The following TYW1 variants were observed in gnomAD, a reference collection of about 807,000 sequenced individuals.
The protein encoded by TYW1 is S-adenosyl-L-methionine-dependent tRNA 4-demethylwyosine synthase TYW1.
TYW1 carries 46 observed loss-of-function variants against 96.2 expected under a neutral mutation model. That is an observed-to-expected ratio of 0.48 (90% CI 0.38 to 0.61). The LOEUF (loss-of-function observed/expected upper bound fraction) is 0.61, where lower values mean the gene tolerates loss of function less well. TYW1 is among the 20% of genes least tolerant of loss of function. The probability of loss-of-function intolerance (pLI) is 0.00; values close to 1 mark genes in which losing one functional copy is unlikely to be tolerated. For synonymous variants in TYW1, 274 were observed against 323.0 expected (o/e 0.85, Z 1.63); for missense variants, 684 against 909.6 (o/e 0.75, Z 3.19).
intron 14 of TYW1, 58 bp downstream of exon 14, chr7:67,183,294 G>A (rs1450994953): frequency 9.4e-6 from 14 of 1,494,640 alleles, no homozygotes; most frequent in African/African-American, 4.2e-5. Context: ...GTGGTGCTTC[G>A]TTGGCCATCG....
intron 9 of TYW1, among the ~76,000 whole-genome samples, chr7:67,056,748 T>TCA (rs1562988647): frequency 6.6e-6 from 1 of 152,204 alleles, no homozygotes; most frequent in Non-Finnish European, 1.5e-5. Flanking sequence ...TGAGCATTCT[T>TCA]CACAAGACTT....
intron 11 of TYW1, among the ~76,000 whole-genome samples, chr7:67,096,467 C>T (rs1796919842): frequency 6.6e-6 from 1 of 152,126 alleles, no homozygotes; most frequent in Non-Finnish European, 1.5e-5. Flanking sequence ...CTCCCCTAGG[C>T]CCAAGCTCCA....
intron 8 of TYW1, among the ~76,000 whole-genome samples, chr7:67,055,218 C>A (rs1276230553): frequency 6.6e-6 from 1 of 152,104 alleles, no homozygotes; most frequent in East Asian, 1.9e-4. Context: ...TTGCTTACAT[C>A]TTTTAGAGCT....
chr7:67,203,151 C>T (rs1800656473), intron 15 of TYW1, among the ~76,000 whole-genome samples: 1 of 152,224 alleles, frequency 6.6e-6, no homozygotes, highest in African/African-American at 2.4e-5. Context: ...CTATCCCTAG[C>T]CTCTGGCGAC....
chr7:67,027,802 T>C (rs1879853), intron 7 of TYW1, among the ~76,000 whole-genome samples: 83,229 of 151,446 alleles, frequency 0.55, 23,121 homozygotes, highest in Admixed American at 0.62. Flanking sequence ...TGGTAGTGGA[T>C]GTCTGTAGTC....
chr7:67,049,873 A>G, intron 7 of TYW1, 76 bp from the exon 8 acceptor site: 4 of 1,562,116 alleles, frequency 2.6e-6, no homozygotes, highest in South Asian at 1.1e-5. Flanking sequence ...TATTGATGCT[A>G]GGTGTTCATG....
chr7:67,023,620 T>C (rs886844233), intron 6 of TYW1, among the ~76,000 whole-genome samples: 2 of 151,734 alleles, frequency 1.3e-5, no homozygotes, highest in Non-Finnish European at 2.9e-5. Flanking sequence ...ATACAAAAAT[T>C]AGCTGGGTGT....
chr7:67,008,819 C>T (rs1226515399), intron 3 of TYW1, among the ~76,000 whole-genome samples: 1 of 152,086 alleles, frequency 6.6e-6, no homozygotes, highest in Non-Finnish European at 1.5e-5. Flanking sequence ...TGTGCCACCA[C>T]GCTTGGCTAA....
rs561847113 is a variant in TYW1 at position 67,202,589 on chromosome 7, G to A, written c.1977+7252G>A. On this transcript the variant is annotated intron_variant, in intron 15 of 15. Transcript: ENST00000359626. ...TTTTTAAATTTGTTATTGAGATGGG[G>A]TCCCACTGTGTTGGCCAGGCTGCTG... Among the ~76,000 whole-genome samples, 7 of 152,098 alleles carry A rather than the reference G, an allele frequency of 4.6e-5. No homozygotes were observed. The East Asian group carries it at 1.4e-3, about 29-fold the overall frequency.
chr7:67,135,164 G>C (rs1192987043), intron 13 of TYW1, among the ~76,000 whole-genome samples: 1 of 149,062 alleles, frequency 6.7e-6, no homozygotes, highest in African/African-American at 2.5e-5. Context: ...TGTATATACA[G>C]AGAGAGAGAG....
At chr7:67,235,103 A>G (rs984132876) in intron 15 of TYW1, among the ~76,000 whole-genome samples, 9 of 152,156 alleles carry the variant, frequency 5.9e-5, no homozygotes, top group African/African-American at 2.2e-4. Flanking sequence ...TCAGATCTAG[A>G]AATCAAAACA....
At chr7:67,082,691 G>T (rs1416693917) in intron 10 of TYW1, among the ~76,000 whole-genome samples, 1 of 152,040 alleles carries the variant, frequency 6.6e-6, no homozygotes, top group African/African-American at 2.4e-5. Context: ...TGGTCCTTGG[G>T]CCCTGGCGTT....
intron 14 of TYW1, 37 bp downstream of exon 14, chr7:67,183,273 G>A: frequency 6.4e-7 from 1 of 1,566,518 alleles, no homozygotes; most frequent in Non-Finnish European, 8.7e-7. Flanking sequence ...GTGGTGGAGT[G>A]ACAAAGAATC....
At chr7:67,135,623 T>A (rs1034925567) in intron 13 of TYW1, among the ~76,000 whole-genome samples, 3 of 146,940 alleles carry the variant, frequency 2.0e-5, no homozygotes, top group Non-Finnish European at 4.5e-5. Flanking sequence ...TTTTTTTTTT[T>A]AAAGCCTTTA....
chr7:67,166,541 CCCT>C (rs796755741), intron 13 of TYW1, among the ~76,000 whole-genome samples: 191 of 150,964 alleles, frequency 1.3e-3, no homozygotes, highest in Non-Finnish European at 2.2e-3. Context: ...TCAGCCCCTC[CCCT>C]CTCTAAAAAT....
intron 13 of TYW1, among the ~76,000 whole-genome samples, chr7:67,173,030 G>A (rs1799562439): frequency 6.6e-6 from 1 of 152,086 alleles, no homozygotes; most frequent in South Asian, 2.1e-4. Context: ...GTGAAACCCT[G>A]TCTCAAAAAA....
rs536092340 is a variant in TYW1, at chr7:67,205,231, T to C, written c.1977+9894T>C. The stretch of plus-strand genomic sequence containing the variant: ...AAAGTCCATTTCCCCCCTCAGCTTC[T>C]ATTGACCTATTGTAGGAAGGGTGCC... On this transcript the variant is annotated intron_variant, in intron 15 of 15. Coordinates refer to ENST00000359626, the MANE Select transcript of TYW1 (RefSeq NM_018264.4). 3.9e-5 allele frequency among the ~76,000 whole-genome samples: 6 copies of C among 152,266 alleles called. No individual in the cohort carries two copies. The South Asian group carries it at 1.2e-3, about 32-fold the overall frequency.
intron 9 of TYW1, among the ~76,000 whole-genome samples, chr7:67,059,092 CA>C (rs1795615976): frequency 7.0e-6 from 1 of 142,900 alleles, no homozygotes; most frequent in East Asian, 2.2e-4. Context: ...TCAATGAAGA[CA>C]AAGTTTTTTT....
intron 13 of TYW1, among the ~76,000 whole-genome samples, chr7:67,152,341 G>A (rs532911920): frequency 9.9e-5 from 15 of 152,226 alleles, no homozygotes; most frequent in African/African-American, 3.1e-4. Flanking sequence ...TGGCTTCCTC[G>A]TTCATCCTCC....
Sources: gnomAD v4.1 joint callset for allele counts (sites outside exome capture counted in the v4.1 genomes callset) on GRCh38, gnomAD v4.1.1 for gene constraint, MANE v1.5 for transcripts, NCBI Gene and HGNC (gene_info 2026-07-23, HGNC 2026-07-21) for gene names.